Variants in GCN1 observed in about 807,000 individuals in gnomAD.
The protein encoded by GCN1 is stalled ribosome sensor GCN1.
GCN1 carries 90 observed loss-of-function variants against 288.4 expected under a neutral mutation model. The observed-to-expected ratio is 0.31, with a 90% confidence interval of 0.26 to 0.37. The LOEUF is 0.37. Ranked by LOEUF, GCN1 falls within the 10% of genes least tolerant of loss-of-function variation. GCN1 has a pLI of 1.00. For missense variants in GCN1, 2,586 were observed against 3,419.9 expected, an observed-to-expected ratio of 0.76 and a Z score of 6.08; for synonymous variants, 1,386 against 1,420.2, an observed-to-expected ratio of 0.98 and a Z score of 0.54.
rs1876814705 is a variant in GCN1 at position 120,131,348 on chromosome 12, A to G, written c.7415-15T>C. 6.2e-7 allele frequency: 1 copy of G among 1,613,132 alleles called. No individual in the cohort carries two copies. The highest frequency in any genetic ancestry group is 1.1e-5 in the South Asian group (1 of 91,050). On this transcript the variant is annotated splice_polypyrimidine_tract_variant and intron_variant, in intron 54 of 57. Coordinates refer to ENST00000300648, the MANE Select transcript of GCN1 (RefSeq NM_006836.2). ...GGACACGTCCGCTGGGTGGAAGGAC[A>G]CGACTGGGATCAACCGGTATTTTAC...
At chr12:120,128,018 G>A (rs775676557) in intron 57 of GCN1, 44 bp from the exon 58 acceptor site, 20 of 1,600,002 alleles carry the variant, frequency 1.3e-5, no homozygotes, top group East Asian at 4.5e-5. Context: ...CAGAACATAC[G>A]GCTGCCACGT....
intron 5 of GCN1, among the ~76,000 whole-genome samples, chr12:120,181,291 C>A (rs558563514): frequency 1.3e-5 from 2 of 151,092 alleles, no homozygotes; most frequent in East Asian, 3.9e-4. Flanking sequence ...CAAAAGAAAA[C>A]CCCATCTCTA....
At chr12:120,177,301 C>G in intron 9 of GCN1, 146 bp downstream of exon 9, 2 of 591,620 alleles carry the variant, frequency 3.4e-6, no homozygotes. Flanking sequence ...GGTCCCCAAT[C>G]TCTCTCCCAA....
In GCN1 at chr12:120,161,572, T is replaced by C. The variant is rs1206858157; in HGVS notation, c.2354A>G (p.Asp785Gly). 8 of 1,613,114 alleles carry C rather than the reference T, an allele frequency of 5.0e-6. No homozygotes were observed. The highest frequency in any genetic ancestry group is 1.1e-5 in the South Asian group (1 of 91,058). The change falls in exon 22 of 58, where the codon GAC (aspartate) becomes GGC (glycine). Residue 785 changes from aspartate to glycine, a missense_variant. Asp to Gly is a moderately conservative substitution (Grantham distance 94, BLOSUM62 -1). Around this residue, in one of 8 missense-constraint regions of GCN1, gnomAD observed 913 missense variants for 1,107.0 expected, o/e 0.82. Transcript: ENST00000300648. ...CTTCATGTTGGCCTTTTTTATGCTG[T>C]CCTGCTGGGCACTGAAACACCAGAG... ...DKSIIQSAQQ[D>G]SIKKANMKRE...
At position 120,158,105 on chromosome 12, in the gene GCN1, C is replaced by G. The variant is rs1877811209; in HGVS notation, c.2906-75G>C. 1 of 1,461,740 alleles carries G rather than the reference C, an allele frequency of 6.8e-7. No individual in the cohort carries two copies. The highest frequency in any genetic ancestry group is 9.4e-7 in the Non-Finnish European group (1 of 1,059,350). The allele number at this position is 1,461,740 out of a possible 1,614,324, so 90.5% of individuals were successfully genotyped here. A position where few individuals can be genotyped will look rare whatever the true frequency, so the allele number is the denominator to read the frequency against. ...GGCCACTGCTGCCTATTTCTATCCT[C>G]AGGGAAAGTAGGGAACGGATGGACC... On this transcript the variant is annotated intron_variant, in intron 25 of 57. Coordinates refer to ENST00000300648, the MANE Select transcript of GCN1 (RefSeq NM_006836.2). The surrounding 1 kb of genome is among the most constrained non-coding windows in gnomAD (Gnocchi z 4.3).
At chr12:120,190,224 CAAA>C (rs34357352) in intron 2 of GCN1, 71 bp downstream of exon 2, 8,901 of 561,414 alleles carry the variant, frequency 0.016, no homozygotes, top group East Asian at 0.029. Context: ...GACTCTGTCT[CAAA>C]AAAAAAAAAA....
At chr12:120,175,963 G>C in intron 10 of GCN1, 89 bp from the exon 11 acceptor site, 1 of 1,484,758 alleles carries the variant, frequency 6.7e-7, no homozygotes, top group Non-Finnish European at 9.3e-7. Flanking sequence ...CATCTCTTCA[G>C]TATTAGCTGT....
At chr12:120,146,875 C>T (rs957361755) in intron 38 of GCN1, among the ~76,000 whole-genome samples, 177 bp downstream of exon 38, 5 of 152,212 alleles carry the variant, frequency 3.3e-5, no homozygotes, top group Admixed American at 2.0e-4. Flanking sequence ...TGAACCACTG[C>T]GCTAAGATGC....
In GCN1 at chr12:120,186,054, C is replaced by T. The variant is rs560236569; in HGVS notation, c.122-1167G>A. Among the ~76,000 whole-genome samples, 30 of 150,934 alleles carry T rather than the reference C, an allele frequency of 2.0e-4. 1 individual carries two copies. Among genetic ancestry groups the T allele is most frequent in the African/African-American group, 7.0e-4 (29 of 41,240 alleles). On this transcript the variant is annotated intron_variant, in intron 2 of 57. Coordinates refer to ENST00000300648, the MANE Select transcript of GCN1 (RefSeq NM_006836.2). Reference sequence around the variant, plus strand: ...GGTTGAACAAGAGTGCTCAATATGGCTGGGGGCAGTGGCTCACGCCTGTAA... The same window carrying T: ...GGTTGAACAAGAGTGCTCAATATGGTTGGGGGCAGTGGCTCACGCCTGTAA...
chr12:120,156,793 T>C lies in GCN1; in HGVS notation c.3168+119A>G. ...TCAGGCTGGCTCTCTAAAGCAGTCT[T>C]TCTACCAAAGTCCAAAAGTAAGGGC... On this transcript the variant is annotated intron_variant, in intron 27 of 57. Coordinates refer to ENST00000300648, the MANE Select transcript of GCN1 (RefSeq NM_006836.2). The surrounding 1 kb of genome is among the most constrained non-coding windows in gnomAD (Gnocchi z 5.8). The C allele has an allele frequency of 1.1e-6, 1 of 944,204 alleles. No individual in the cohort carries two copies. 58.5% of individuals were successfully genotyped at this position (944,204 alleles called of 1,614,324 possible). A position where few individuals can be genotyped will look rare whatever the true frequency, so the allele number is the denominator to read the frequency against.
In GCN1 at chr12:120,184,230, G is replaced by A. The variant is rs755530573; in HGVS notation, c.199C>T (p.Arg67Cys). 5.0e-6 allele frequency: 8 copies of A among 1,613,188 alleles called. No individual in the cohort carries two copies. The highest frequency in any genetic ancestry group is 2.2e-5 in the East Asian group (1 of 44,890). ...TGGATGGCTGCCTGCAAGGCCCTGC[G>A]GGAGGCTGCATCTCTAGGGGGAGAG... ...TLHRYRDAAS[R>C]RALQAAIQQL... Residue 67 changes from arginine to cysteine, a missense_variant, in exon 4 of 58, where the codon CGC becomes TGC. By Grantham distance (180) the Arg-to-Cys change is radical. Around this residue, in one of 8 missense-constraint regions of GCN1, gnomAD observed 913 missense variants for 1,107.0 expected, o/e 0.82. Transcript: ENST00000300648.
chr12:120,151,444 G>T, intron 33 of GCN1, 53 bp from the exon 34 acceptor site: 1 of 1,596,160 alleles, frequency 6.3e-7, no homozygotes, highest in Non-Finnish European at 8.5e-7. Context: ...CCGTTTCATG[G>T]TTGGTGGGGG....
chr12:120,148,985 T>A (rs1877447908), intron 36 of GCN1, among the ~76,000 whole-genome samples: 1 of 148,926 alleles, frequency 6.7e-6, no homozygotes, highest in African/African-American at 2.5e-5. Flanking sequence ...ACACTTGGCC[T>A]ATTTTTTTTT....
rs945064303 is a variant in GCN1 at position 120,144,364 on chromosome 12, T to C, written c.5437A>G (p.Ile1813Val). The C allele has an allele frequency of 1.2e-6, 2 of 1,614,254 alleles. No individual in the cohort carries two copies. The highest frequency in any genetic ancestry group is 2.2e-5 in the East Asian group (1 of 44,888). ...TCTAGCTGGGGCAGCAGCAGGGCGA[T>C]GGCTGTCTCAGCGTACATGGAGATA... is the stretch of plus-strand genomic sequence containing the variant. ...RVISMYAETA[I>V]ALLLPQLEQG... Residue 1813 changes from isoleucine to valine, a missense_variant, in exon 42 of 58, where the codon ATC becomes GTC. Transcript: ENST00000300648. The surrounding 1 kb of genome is among the most constrained non-coding windows in gnomAD (Gnocchi z 4.7).
chr12:120,177,988 C>CTT (rs1477063304), intron 7 of GCN1, among the ~76,000 whole-genome samples: 1 of 152,096 alleles, frequency 6.6e-6, no homozygotes, highest in East Asian at 1.9e-4. Context: ...TCCTGCCCAC[C>CTT]ACTCAGCTGG....
At position 120,129,029 on chromosome 12, in the gene GCN1, G is replaced by A. The variant is rs148392313; in HGVS notation, c.7890+247C>T. Among the ~76,000 whole-genome samples, 1,286 of 151,808 alleles carry A rather than the reference G, an allele frequency of 8.5e-3. 24 individuals are homozygous for A. The highest frequency in any genetic ancestry group is 0.03 in the African/African-American group (1,229 of 41,382). On this transcript the variant is annotated intron_variant, in intron 57 of 57. Coordinates refer to ENST00000300648, the MANE Select transcript of GCN1 (RefSeq NM_006836.2). ...ATTTTTTTGTATTTTTAGTAGAGAC[G>A]GGGTTTCACCGTGTTAGCCTTCATC...
chr12:120,144,329 G>C lies in GCN1; in HGVS notation c.5472C>G (p.Leu1824=), dbSNP rs376904999. 1.9e-6 allele frequency: 3 copies of C among 1,614,084 alleles called. No individual in the cohort carries two copies. In the African/African-American group the frequency reaches 4.0e-5, roughly 22 times the overall value. The change falls in exon 42 of 58, where the codon CTC becomes CTG. Residue 1824 remains leucine, a synonymous_variant. Transcript: ENST00000300648. This position sits in a 1 kb window ranked among gnomAD's most constrained non-coding sequence, Gnocchi z 4.7. ...ACCTGATTCTCCAAAGGTCATCAAA[G>C]AGGCCTTGCTCTAGCTGGGGCAGCA... ...ALLLPQLEQG[L]FDDLWRIRFS...
At chr12:120,165,830 C>T (rs533209299) in intron 16 of GCN1, among the ~76,000 whole-genome samples, 1 of 151,858 alleles carries the variant, frequency 6.6e-6, no homozygotes, top group South Asian at 2.1e-4. Context: ...CTTGCTCTGT[C>T]ACCCAGGCTG....
In GCN1 at chr12:120,185,677, C is replaced by T. The variant is rs1244138538; in HGVS notation, c.122-790G>A. Reference sequence around the variant, plus strand: ...GTGCAGTAGTGCGATCTCGGCTCACCGCAACCTCCGCCTCCCAGGTTCAAG... The same window carrying T: ...GTGCAGTAGTGCGATCTCGGCTCACTGCAACCTCCGCCTCCCAGGTTCAAG... On this transcript the variant is annotated intron_variant, in intron 2 of 57. Transcript: ENST00000300648. Among the ~76,000 whole-genome samples, 4 of 152,110 alleles carry T rather than the reference C, an allele frequency of 2.6e-5. No homozygotes were observed. The South Asian group carries it at 6.2e-4, about 24-fold the overall frequency.
Sources: allele counts gnomAD v4.1 joint callset (sites outside exome capture counted in the v4.1 genomes callset), GRCh38; gene constraint gnomAD v4.1.1; regional missense constraint gnomAD v4.1.1; non-coding constraint Gnocchi (gnomAD v3.1); transcripts MANE v1.5; gene names NCBI Gene and HGNC (gene_info 2026-07-23, HGNC 2026-07-21).